CREM: variants seen among roughly 807,000 people sequenced by gnomAD.
CREM encodes the protein cAMP-responsive element modulator.
In CREM, 13 loss-of-function variants were observed where a neutral mutation model predicts 37.3. The ratio of observed to expected loss-of-function variants is 0.35; its 90% CI spans 0.23 to 0.55. The LOEUF is 0.55. Among genes scored for constraint, CREM ranks in the 20% least tolerant of loss-of-function variants. The probability of loss-of-function intolerance (pLI) is 0.88; values close to 1 mark genes in which losing one functional copy is unlikely to be tolerated. For missense variants in CREM, 296 were observed against 362.3 expected (o/e 0.82, Z 1.49); for synonymous variants, 124 against 120.2 (o/e 1.03, Z -0.21).
At chr10:35,161,319 C>A (rs2093279700) in intron 3 of CREM, among the ~76,000 whole-genome samples, 1 of 151,438 alleles carries the variant, frequency 6.6e-6, no homozygotes, top group Non-Finnish European at 1.5e-5. Context: ...ATTTTCAGTA[C>A]AAAATTTCTC....
chr10:35,145,858 C>T (rs768922232), intron 2 of CREM, among the ~76,000 whole-genome samples: 7 of 150,430 alleles, frequency 4.7e-5, no homozygotes, highest in Non-Finnish European at 1.0e-4. Context: ...CTGTGTTTCT[C>T]AAATTTTAGT....
intron 6 of CREM, among the ~76,000 whole-genome samples, chr10:35,202,627 G>A (rs997541099): frequency 2.6e-5 from 4 of 152,080 alleles, no homozygotes; most frequent in African/African-American, 9.7e-5. Context: ...TTTGTCCATC[G>A]ACCATTAGAA....
chr10:35,199,744 TCATAG>T (rs1280354930), intron 6 of CREM, among the ~76,000 whole-genome samples: 3 of 152,168 alleles, frequency 2.0e-5, no homozygotes, highest in Non-Finnish European at 1.5e-5. Context: ...CGGGTTCTGC[TCATAG>T]CATATTAATG....
intron 6 of CREM, chr10:35,195,164 G>A: frequency 6.2e-7 from 1 of 1,613,338 alleles, no homozygotes; most frequent in Non-Finnish European, 8.5e-7. Context: ...GAGGAAACAA[G>A]ACAGTTCTGT....
At chr10:35,208,595 C>T (rs1195580108) in intron 7 of CREM, among the ~76,000 whole-genome samples, 1 of 152,222 alleles carries the variant, frequency 6.6e-6, no homozygotes, top group Non-Finnish European at 1.5e-5. Flanking sequence ...AGGGCCCAGA[C>T]TCCCGCTCCC....
At chr10:35,135,245 A>C (rs569506884) in intron 1 of CREM, among the ~76,000 whole-genome samples, 5 of 152,316 alleles carry the variant, frequency 3.3e-5, no homozygotes, top group African/African-American at 1.2e-4. Flanking sequence ...ATTTCTTCTT[A>C]TAAGTTATTA....
At chr10:35,192,368 A>T (rs1002179860) in intron 6 of CREM, among the ~76,000 whole-genome samples, 13 of 152,196 alleles carry the variant, frequency 8.5e-5, no homozygotes, top group South Asian at 8.3e-4. Flanking sequence ...TTTTGTTTTG[A>T]GACAGAGTCT....
chr10:35,206,656 A>C (rs943277912), intron 6 of CREM, among the ~76,000 whole-genome samples: 7 of 152,186 alleles, frequency 4.6e-5, no homozygotes, highest in African/African-American at 1.7e-4. Context: ...AACCTGTCTA[A>C]AATGCATTAG....
At chr10:35,162,336 C>G (rs1487022502) in intron 3 of CREM, among the ~76,000 whole-genome samples, 2 of 152,000 alleles carry the variant, frequency 1.3e-5, no homozygotes, top group East Asian at 3.9e-4. Context: ...GGAATGAGTT[C>G]AAGAGAGCTA....
chr10:35,140,174 T>C (rs2091225189), intron 2 of CREM, among the ~76,000 whole-genome samples: 1 of 152,310 alleles, frequency 6.6e-6, no homozygotes, highest in East Asian at 1.9e-4. Flanking sequence ...ATCAAACTTG[T>C]ACTAAACGGC....
At chr10:35,192,055 TGTCCTG>T (rs1252799886) in intron 6 of CREM, among the ~76,000 whole-genome samples, 3 of 152,230 alleles carry the variant, frequency 2.0e-5, no homozygotes, top group African/African-American at 7.2e-5. Flanking sequence ...CACAGCCCTC[TGTCCTG>T]GCCCTGGCCC....
chr10:35,165,246 C>T (rs1277222627), intron 3 of CREM, among the ~76,000 whole-genome samples: 6 of 151,834 alleles, frequency 4.0e-5, no homozygotes, highest in Non-Finnish European at 7.4e-5. Context: ...GCCAGGGTAT[C>T]ACATGGAGAG....
At chr10:35,160,557 C>T (rs1181659175) in intron 3 of CREM, among the ~76,000 whole-genome samples, 1 of 152,180 alleles carries the variant, frequency 6.6e-6, no homozygotes, top group Non-Finnish European at 1.5e-5. Flanking sequence ...TGCCACCATG[C>T]CCAGCTAACT....
intron 3 of CREM, among the ~76,000 whole-genome samples, chr10:35,168,949 C>G (rs1055899872): frequency 6.6e-6 from 1 of 152,058 alleles, no homozygotes; most frequent in Admixed American, 6.6e-5. Flanking sequence ...TCTGTTCCAT[C>G]GGTCTGTATC....
chr10:35,194,942 C>T (rs2095086135), intron 6 of CREM, among the ~76,000 whole-genome samples: 1 of 151,714 alleles, frequency 6.6e-6, no homozygotes, highest in Admixed American at 6.6e-5. Flanking sequence ...TAGAGCCCAC[C>T]TCAAACAGAT....
Position 35,166,700 on chromosome 10 carries a change from G to T in CREM, c.169-12189G>T, listed in dbSNP as rs555892116. Among the ~76,000 whole-genome samples the T allele has an allele frequency of 3.3e-5, 5 of 151,848 alleles. No homozygotes were observed. The South Asian group carries it at 8.3e-4, about 25-fold the overall frequency. ...GCCAACATTGTGCCACTGAACCGCA[G>T]CCTGAGCAACAGAGCTGAACTCTGT... On this transcript the variant is annotated intron_variant, in intron 3 of 7. Coordinates refer to ENST00000685392, the MANE Select transcript of CREM (RefSeq NM_183011.2).
intron 3 of CREM, among the ~76,000 whole-genome samples, chr10:35,176,647 G>A (rs964144366): frequency 3.3e-5 from 5 of 152,032 alleles, no homozygotes; most frequent in African/African-American, 1.2e-4. Context: ...CTGACCTCGT[G>A]ATCCGCCTGT....
In CREM at chr10:35,165,590, A is replaced by T. The variant is rs189718875; in HGVS notation, c.169-13299A>T. Among the ~76,000 whole-genome samples the T allele has an allele frequency of 4.3e-3, 661 of 152,256 alleles. 10 individuals are homozygous for T. The highest frequency in any genetic ancestry group is 0.016 in the African/African-American group (647 of 41,558). Reference sequence around the variant, plus strand: ...TTATTTTGAAATACATTTGGCTAGTAAATTATGATCAGTTTCAGTCTTACT... The same window carrying T: ...TTATTTTGAAATACATTTGGCTAGTTAATTATGATCAGTTTCAGTCTTACT... On this transcript the variant is annotated intron_variant, in intron 3 of 7. Transcript: ENST00000685392.
intron 3 of CREM, among the ~76,000 whole-genome samples, chr10:35,163,890 TACTC>T (rs1449142164): frequency 6.6e-6 from 1 of 151,672 alleles, no homozygotes; most frequent in Non-Finnish European, 1.5e-5. Context: ...TAGTTCAAAT[TACTC>T]AGGAGGCTGA....
Sources: allele counts gnomAD v4.1 joint callset (sites outside exome capture counted in the v4.1 genomes callset), GRCh38; gene constraint gnomAD v4.1.1; transcripts MANE v1.5; gene names NCBI Gene and HGNC (gene_info 2026-07-23, HGNC 2026-07-21).